TUBGCP4: variants seen among roughly 807,000 people sequenced by gnomAD.
TUBGCP4 encodes gamma-tubulin complex component 4.
TUBGCP4 carries 54 observed loss-of-function variants against 91.6 expected under a neutral mutation model. That is an observed-to-expected ratio of 0.59 (90% CI 0.47 to 0.74). TUBGCP4 has a LOEUF of 0.74. Among genes scored for constraint, TUBGCP4 ranks in the 30% least tolerant of loss-of-function variants. TUBGCP4 has a pLI of 0.00. For missense variants in TUBGCP4, 593 were observed against 800.9 expected (o/e 0.74, Z 3.13); for synonymous variants, 297 against 302.8 (o/e 0.98, Z 0.20).
chr15:43,377,787 G>A (rs987963681), intron 4 of TUBGCP4, 60 bp from the exon 5 acceptor site: 1 of 1,332,296 alleles, frequency 7.5e-7, no homozygotes, highest in African/African-American at 1.5e-5. Flanking sequence ...CATTTCCCAA[G>A]TTGATTTTTT....
chr15:43,376,341 G>A, intron 2 of TUBGCP4, 115 bp downstream of exon 2: 1 of 1,596,548 alleles, frequency 6.3e-7, no homozygotes, highest in East Asian at 2.2e-5. Context: ...GGTAATTCAT[G>A]TGAAATAAGT....
Position 43,386,308 on chromosome 15 carries a change from G to T in TUBGCP4, c.992G>T (p.Arg331Leu). The change falls in exon 9 of 18, where the codon CGC (arginine) becomes CTC (leucine). Residue 331 changes from arginine (R) to leucine (L), a missense_variant. Coordinates refer to ENST00000564079, the MANE Select transcript of TUBGCP4 (RefSeq NM_014444.5). The stretch of plus-strand genomic sequence containing the variant: ...GTGGACTTTGAACAGGTGGTGGATC[G>T]CATTCGCAGCACTGTGGCTGAGGTT... ...SLVDFEQVVDRIRSTVAEHLW... is the reference protein window; with the variant it reads ...SLVDFEQVVDLIRSTVAEHLW... 1 of 1,529,768 alleles carries T rather than the reference G, an allele frequency of 6.5e-7. No individual in the cohort carries two copies. Among genetic ancestry groups the T allele is most frequent in the South Asian group, 1.1e-5 (1 of 87,892 alleles). 94.8% of individuals were successfully genotyped at this position (1,529,768 alleles called of 1,614,324 possible). A position where few individuals can be genotyped will look rare whatever the true frequency, so the allele number is the denominator to read the frequency against.
chr15:43,395,252 A>C, intron 10 of TUBGCP4, 95 bp downstream of exon 10: 1 of 1,339,398 alleles, frequency 7.5e-7, no homozygotes, highest in Non-Finnish European at 1.1e-6. Flanking sequence ...GCCTATACCC[A>C]GACTTCCAGA....
At chr15:43,397,904 G>A in intron 12 of TUBGCP4, 137 bp from the exon 13 acceptor site, 1 of 806,814 alleles carries the variant, frequency 1.2e-6, no homozygotes. Context: ...TAGAGATGGG[G>A]TTTCACTGTA....
rs2044263678 is a variant in TUBGCP4, at chr15:43,379,983, C to G, written c.442-101C>G. Reference sequence around the variant, plus strand: ...TCTTAGGAGAAAGTTTATCCCCAGTCTCTCCTAGATTGTGCCCTCTTGGTT... The same window carrying G: ...TCTTAGGAGAAAGTTTATCCCCAGTGTCTCCTAGATTGTGCCCTCTTGGTT... On this transcript the variant is annotated intron_variant, in intron 5 of 17. Transcript: ENST00000564079. 1.7e-5 allele frequency: 19 copies of G among 1,099,286 alleles called. No individual in the cohort carries two copies. The South Asian group carries it at 2.0e-4, about 12-fold the overall frequency. The allele number at this position is 1,099,286 out of a possible 1,614,324, so 68.1% of individuals were successfully genotyped here. A position where few individuals can be genotyped will look rare whatever the true frequency, so the allele number is the denominator to read the frequency against.
intron 14 of TUBGCP4, among the ~76,000 whole-genome samples, chr15:43,400,997 C>T (rs909695526): frequency 7.9e-5 from 12 of 152,044 alleles, no homozygotes; most frequent in South Asian, 2.1e-4. Flanking sequence ...CATGAACCAC[C>T]GCCACACCAG....
At chr15:43,390,509 TTTTTTC>T (rs1391900527) in intron 9 of TUBGCP4, among the ~76,000 whole-genome samples, 46 of 130,740 alleles carry the variant, frequency 3.5e-4, no homozygotes, top group African/African-American at 1.7e-3. Flanking sequence ...ATCTTTTTTC[TTTTTTC>T]TTTTTTTTTT....
rs755518025 is a variant in TUBGCP4 at position 43,395,727 on chromosome 15, C to T, written c.1171+39C>T. 1.8e-5 allele frequency: 27 copies of T among 1,529,678 alleles called. No individual in the cohort carries two copies. In the South Asian group the frequency reaches 3.0e-4, roughly 17 times the overall value. The allele number at this position is 1,529,678 out of a possible 1,614,324, so 94.8% of individuals were successfully genotyped here. ...GCCCTGAGAATGATCAACTGATTGA[C>T]ATTGCAGGGTATTTCTTGGCTGCTG... On this transcript the variant is annotated intron_variant, in intron 11 of 17. Transcript: ENST00000564079.
In TUBGCP4 at chr15:43,394,901, T is replaced by A. The variant is rs543155878; in HGVS notation, c.1015-206T>A. 1.9e-4 allele frequency: 111 copies of A among 578,732 alleles called. No individual in the cohort carries two copies. The African/African-American group carries it at 2.0e-3, about 11-fold the overall frequency. The allele number at this position is 578,732 out of a possible 1,614,324, so 35.8% of individuals were successfully genotyped here. A position where few individuals can be genotyped will look rare whatever the true frequency, so the allele number is the denominator to read the frequency against. ...CTGCAGAACTGTGAGCAACTCAACC[T>A]CTTTTCTTCATTAATTACCCAGTCT... On this transcript the variant is annotated intron_variant, in intron 9 of 17. Transcript: ENST00000564079.
intron 1 of TUBGCP4, among the ~76,000 whole-genome samples, chr15:43,375,371 A>C (rs1301892029): frequency 6.6e-6 from 1 of 152,236 alleles, no homozygotes; most frequent in African/African-American, 2.4e-5. Context: ...ATACCACTGA[A>C]CTATATACTT....
intron 1 of TUBGCP4, among the ~76,000 whole-genome samples, chr15:43,374,318 TTAAA>T (rs945899441): frequency 5.1e-4 from 77 of 152,190 alleles, no homozygotes; most frequent in African/African-American, 1.7e-3. Context: ...CTTCAAAAAA[TTAAA>T]TAAAGGCCAG....
In TUBGCP4 at chr15:43,371,392, C is replaced by G. The variant is rs772314517; in HGVS notation, c.38C>G (p.Pro13Arg). Reference sequence around the variant, plus strand: ...CTGCTCTTGGCTCTGAGCGGGTACCCTGGGTCCATTTTCACCTGGAACAAG... The same window carrying G: ...CTGCTCTTGGCTCTGAGCGGGTACCGTGGGTCCATTTTCACCTGGAACAAG... ...HELLLALSGY[P>R]GSIFTWNKRS... is the part of the protein sequence containing the mutation. Residue 13 changes from proline (P) to arginine (R), a missense_variant, in exon 1 of 18, where the codon CCT becomes CGT. Transcript: ENST00000564079. 2.1e-5 allele frequency: 34 copies of G among 1,613,996 alleles called. No individual in the cohort carries two copies. Among genetic ancestry groups the G allele is most frequent in the Non-Finnish European group, 8.5e-6 (10 of 1,180,008 alleles).
Position 43,383,498 on chromosome 15 carries a change from G to A in TUBGCP4, c.717G>A (p.Gln239=). Residue 239 remains glutamine (Q), a synonymous_variant, in exon 7 of 18, where the codon CAG becomes CAA. Transcript: ENST00000564079. ...GLTGKQLREL[Q]DLRLIEEENM... Reference sequence around the variant, plus strand: ...CAGGAAAACAACTGAGAGAACTGCAGGACTTGGTGAGAGCCCAAAAAGTAG... The same window carrying A: ...CAGGAAAACAACTGAGAGAACTGCAAGACTTGGTGAGAGCCCAAAAAGTAG... The A allele has an allele frequency of 6.2e-7, 1 of 1,600,452 alleles. No individual in the cohort carries two copies. Among genetic ancestry groups the A allele is most frequent in the South Asian group, 1.1e-5 (1 of 89,254 alleles).
At chr15:43,382,351 A>G (rs1011425902) in intron 6 of TUBGCP4, among the ~76,000 whole-genome samples, 2 of 151,250 alleles carry the variant, frequency 1.3e-5, no homozygotes, top group Non-Finnish European at 3.0e-5. Flanking sequence ...GTCCCTCAGA[A>G]TTCCTTCATA....
chr15:43,399,924 C>G (rs1566901387), intron 13 of TUBGCP4, 120 bp from the exon 14 acceptor site: 2 of 614,434 alleles, frequency 3.3e-6, no homozygotes, highest in Non-Finnish European at 5.5e-6. Context: ...TCTCTAGTCA[C>G]TCTTTCCTTA....
intron 13 of TUBGCP4, chr15:43,399,185 C>T (rs536049619): frequency 1.7e-5 from 21 of 1,219,240 alleles, no homozygotes; most frequent in Non-Finnish European, 2.2e-5. Flanking sequence ...GTAAATAAAT[C>T]CTATTCTACC....
In TUBGCP4 at chr15:43,407,476, C is replaced by T. The variant is rs754224762; in HGVS notation, c.*2262C>T. The T allele has an allele frequency of 9.9e-6, 16 of 1,614,218 alleles. No homozygotes were observed. The highest frequency in any genetic ancestry group is 1.4e-5 in the Non-Finnish European group (16 of 1,180,026). On this transcript the variant is annotated 3_prime_UTR_variant, in exon 18 of 18. Transcript: ENST00000564079. ...GGCACTGGATCACCCACTCTTGTGA[C>T]ACCACAGGCAGCTGCAATGCTTCAG...
chr15:43,381,625 G>A (rs1050375401), intron 6 of TUBGCP4, among the ~76,000 whole-genome samples: 7 of 151,938 alleles, frequency 4.6e-5, no homozygotes, highest in Admixed American at 1.3e-4. Context: ...TCCCAGCTAC[G>A]GGAAGCTGAG....
intron 1 of TUBGCP4, among the ~76,000 whole-genome samples, chr15:43,375,684 A>C (rs988206108): frequency 3.3e-5 from 5 of 152,222 alleles, no homozygotes; most frequent in Non-Finnish European, 7.3e-5. Context: ...AATCCTAAGA[A>C]TATGTCTGAG....
Sources: allele counts gnomAD v4.1 joint callset (sites outside exome capture counted in the v4.1 genomes callset), GRCh38; gene constraint gnomAD v4.1.1; transcripts MANE v1.5; gene names NCBI Gene and HGNC (gene_info 2026-07-23, HGNC 2026-07-21).